The following CYTH3 variants were observed in gnomAD, a reference collection of about 807,000 sequenced individuals.
CYTH3 encodes cytohesin 3.
A neutral mutation model predicts 55.1 loss-of-function variants in CYTH3; 23 were observed. The observed-to-expected ratio is 0.42, with a 90% CI of 0.30 to 0.59. The LOEUF (loss-of-function observed/expected upper bound fraction) is 0.59. CYTH3 is among the 20% of genes least tolerant of loss of function. The probability of loss-of-function intolerance (pLI) is 0.20; values close to 1 mark genes in which losing one functional copy is unlikely to be tolerated. For synonymous variants in CYTH3, 249 were observed against 194.9 expected (o/e 1.28, Z -2.31); for missense variants, 413 against 524.8 (o/e 0.79, Z 2.08).
intron 1 of CYTH3, among the ~76,000 whole-genome samples, chr7:6,201,385 T>C (rs1399934327): frequency 6.6e-6 from 1 of 152,240 alleles, no homozygotes; most frequent in Admixed American, 6.5e-5. Context: ...TGGAACCTTC[T>C]TTCTTGTCAT....
At chr7:6,193,819 C>T (rs1360003709) in intron 1 of CYTH3, among the ~76,000 whole-genome samples, 2 of 152,142 alleles carry the variant, frequency 1.3e-5, no homozygotes, top group Non-Finnish European at 2.9e-5. Flanking sequence ...AGGGCAAGGG[C>T]ACCCTACTAA....
chr7:6,218,254 TC>T (rs1784469535), intron 1 of CYTH3, among the ~76,000 whole-genome samples: 2 of 152,132 alleles, frequency 1.3e-5, no homozygotes, highest in South Asian at 4.2e-4. Flanking sequence ...ATAAAAAATG[TC>T]CATATAAGAA....
intron 4 of CYTH3, among the ~76,000 whole-genome samples, chr7:6,180,328 A>G (rs1433296642): frequency 6.6e-6 from 1 of 152,198 alleles, no homozygotes; most frequent in Non-Finnish European, 1.5e-5. Flanking sequence ...TTTCTTGGAG[A>G]ATGCTATCTG....
At position 6,255,978 on chromosome 7, in the gene CYTH3, T is replaced by C. The variant is rs866958775; in HGVS notation, c.34+16496A>G. Among the ~76,000 whole-genome samples, 26 of 152,190 alleles carry C rather than the reference T, an allele frequency of 1.7e-4. No individual in the cohort carries two copies. In the Middle Eastern group the frequency reaches 0.024, roughly 139 times the overall value. The stretch of plus-strand genomic sequence containing the variant: ...CAGGGTTTCACTGTGTTAGCCAGGA[T>C]GGTCTCGATCTCCTGACCTCGTGAT... On this transcript the variant is annotated intron_variant, in intron 1 of 12. Coordinates refer to ENST00000350796, the MANE Select transcript of CYTH3 (RefSeq NM_004227.4).
intron 4 of CYTH3, among the ~76,000 whole-genome samples, chr7:6,179,897 C>G (rs1783461458): frequency 6.7e-6 from 1 of 148,272 alleles, no homozygotes; most frequent in Non-Finnish European, 1.5e-5. Flanking sequence ...CACACACACC[C>G]ACACACAACC....
In CYTH3 at chr7:6,251,761, A is replaced by C. The variant is rs115623309; in HGVS notation, c.34+20713T>G. ...CTAAAAATAGAGTACAGGACTTCAAAGAGGCCTGTCCATAAAATCAAATCT... is the reference window on the plus strand; with the variant it reads ...CTAAAAATAGAGTACAGGACTTCAACGAGGCCTGTCCATAAAATCAAATCT... On this transcript the variant is annotated intron_variant, in intron 1 of 12. Transcript: ENST00000350796. Among the ~76,000 whole-genome samples the C allele has an allele frequency of 7.7e-3, 1,171 of 152,298 alleles. 12 individuals are homozygous for C. Among genetic ancestry groups the C allele is most frequent in the African/African-American group, 0.027 (1,122 of 41,548 alleles).
chr7:6,251,417 C>T (rs1007576994), intron 1 of CYTH3, among the ~76,000 whole-genome samples: 14 of 150,356 alleles, frequency 9.3e-5, no homozygotes, highest in Admixed American at 3.3e-4. Flanking sequence ...GCTACAAAAG[C>T]GTTTCTTTCA....
In CYTH3 at chr7:6,190,467, T is replaced by A; in HGVS notation, c.99A>T (p.Glu33Asp). ...ELLDIRRRKK[E>D]LIDDIERLKY... The stretch of plus-strand genomic sequence containing the variant: ...TTTTTACCTCAATGTCATCAATAAG[T>A]TCCTTTTTTCTTCGACGAATGTCTA... The change falls in exon 2 of 13, where the codon GAA becomes GAT. Residue 33 changes from glutamate to aspartate, a missense_variant. Around this residue, in one of 4 missense-constraint regions of CYTH3, gnomAD observed 152 missense variants for 148.1 expected, o/e 1.03. Coordinates refer to ENST00000350796, the MANE Select transcript of CYTH3 (RefSeq NM_004227.4). The A allele has an allele frequency of 6.6e-7, 1 of 1,508,002 alleles. No homozygotes were observed. Among genetic ancestry groups the A allele is most frequent in the Non-Finnish European group, 8.8e-7 (1 of 1,134,222 alleles). 93.4% of individuals were successfully genotyped at this position (1,508,002 alleles called of 1,614,324 possible).
chr7:6,247,427 T>C (rs1779849134), intron 1 of CYTH3, among the ~76,000 whole-genome samples: 1 of 152,172 alleles, frequency 6.6e-6, no homozygotes. Flanking sequence ...AGCTCGTTTT[T>C]TTTCAGCTCA....
rs3793204 is a variant in CYTH3, at chr7:6,172,965, G to A, written c.449+688C>T. Reference sequence around the variant, plus strand: ...GTAAACGAGAACAAGGTATGAAGCCGAAGATTTGAGAAGATGACGAGGTGC... The same window carrying A: ...GTAAACGAGAACAAGGTATGAAGCCAAAGATTTGAGAAGATGACGAGGTGC... On this transcript the variant is annotated intron_variant, in intron 6 of 12. Transcript: ENST00000350796. 9.1e-4 allele frequency: 1,021 copies of A among 1,125,152 alleles called. 11 individuals are homozygous for A. Among genetic ancestry groups the A allele is most frequent in the East Asian group, 1.4e-3 (17 of 12,340 alleles). 69.7% of individuals were successfully genotyped at this position (1,125,152 alleles called of 1,614,324 possible).
rs1255532945 is a variant in CYTH3 at position 6,162,726 on chromosome 7, T to C, written c.*2218A>G. ...GGTGCCCACCACCTGGCGAAGCTCA[T>C]TCACAGATGACAGCAAAGGGGGAGC... On this transcript the variant is annotated 3_prime_UTR_variant, in exon 13 of 13. Transcript: ENST00000350796. The C allele has an allele frequency of 6.6e-6, 1 of 152,290 alleles. No individual in the cohort carries two copies. The allele number at this position is 152,290 out of a possible 1,614,324, so 9.4% of individuals were successfully genotyped here.
chr7:6,211,721 G>C (rs1369603454), intron 1 of CYTH3, among the ~76,000 whole-genome samples: 1 of 152,116 alleles, frequency 6.6e-6, no homozygotes, highest in Admixed American at 6.6e-5. Context: ...GTCTTGGCTG[G>C]GCACGGTGGC....
chr7:6,211,422 G>A (rs988417466), intron 1 of CYTH3, among the ~76,000 whole-genome samples: 6 of 152,244 alleles, frequency 3.9e-5, no homozygotes, highest in Non-Finnish European at 8.8e-5. Flanking sequence ...CACTTCATTA[G>A]CTGTGCAAGA....
chr7:6,233,946 G>A (rs1779453785), intron 1 of CYTH3, among the ~76,000 whole-genome samples: 1 of 152,062 alleles, frequency 6.6e-6, no homozygotes, highest in Non-Finnish European at 1.5e-5. Flanking sequence ...TTGGTGGAAG[G>A]GGCAAGGCAG....
At chr7:6,251,016 C>T (rs753621855) in intron 1 of CYTH3, among the ~76,000 whole-genome samples, 4 of 152,182 alleles carry the variant, frequency 2.6e-5, no homozygotes, top group Admixed American at 6.5e-5. Flanking sequence ...CAGTGGCTCA[C>T]GCCTGTAATC....
intron 1 of CYTH3, among the ~76,000 whole-genome samples, chr7:6,218,879 C>T (rs1784483898): frequency 6.6e-6 from 1 of 151,928 alleles, no homozygotes; most frequent in Non-Finnish European, 1.5e-5. Context: ...GTGGCGCACA[C>T]CTGTAGTCCC....
chr7:6,163,104 G>A lies in CYTH3; in HGVS notation c.*1840C>T, dbSNP rs17136052. ...GGTATCAGTAACAAAGCCTAAGAAC[G>A]TGGGAATGAAAGTCTGATGCAGGAC... On this transcript the variant is annotated 3_prime_UTR_variant, in exon 13 of 13. Coordinates refer to ENST00000350796, the MANE Select transcript of CYTH3 (RefSeq NM_004227.4). 1.3e-5 allele frequency: 2 copies of A among 152,618 alleles called. No individual in the cohort carries two copies. Among genetic ancestry groups the A allele is most frequent in the African/African-American group, 2.4e-5 (1 of 41,438 alleles). The allele number at this position is 152,618 out of a possible 1,614,324, so 9.5% of individuals were successfully genotyped here.
At chr7:6,217,687 C>T (rs1784457433) in intron 1 of CYTH3, among the ~76,000 whole-genome samples, 1 of 152,118 alleles carries the variant, frequency 6.6e-6, no homozygotes, top group Admixed American at 6.5e-5. Flanking sequence ...CCACCATCAA[C>T]CAACAAAGTC....
rs922275857 is a variant in CYTH3 at position 6,178,023 on chromosome 7, G to C, written c.250-82C>G. The C allele has an allele frequency of 5.7e-6, 6 of 1,043,930 alleles. No individual in the cohort carries two copies. The African/African-American group carries it at 7.8e-5, about 14-fold the overall frequency. The allele number at this position is 1,043,930 out of a possible 1,614,324, so 64.7% of individuals were successfully genotyped here. A position where few individuals can be genotyped will look rare whatever the true frequency, so the allele number is the denominator to read the frequency against. On this transcript the variant is annotated intron_variant, in intron 4 of 12. Coordinates refer to ENST00000350796, the MANE Select transcript of CYTH3 (RefSeq NM_004227.4). Reference sequence around the variant, plus strand: ...AAAGACAGAAATACACTTAGTGTCAGGATTTTACTGGTATGGACACAGCAA... The same window carrying C: ...AAAGACAGAAATACACTTAGTGTCACGATTTTACTGGTATGGACACAGCAA...
Sources: allele counts gnomAD v4.1 joint callset (sites outside exome capture counted in the v4.1 genomes callset), GRCh38; gene constraint gnomAD v4.1.1; regional missense constraint gnomAD v4.1.1; transcripts MANE v1.5; gene names NCBI Gene and HGNC (gene_info 2026-07-23, HGNC 2026-07-21).